Variants in TGFBI observed in about 807,000 individuals in gnomAD.
TGFBI encodes the protein transforming growth factor-beta-induced protein ig-h3.
A neutral mutation model predicts 73.7 loss-of-function variants in TGFBI; 50 were observed. The ratio of observed to expected loss-of-function variants is 0.68; its 90% CI spans 0.54 to 0.86. The LOEUF (loss-of-function observed/expected upper bound fraction) is 0.86, where lower values mean the gene tolerates loss of function less well. TGFBI is among the 40% of genes least tolerant of loss of function. The pLI is 0.00. For synonymous variants in TGFBI, 362 were observed against 360.5 expected, an observed-to-expected ratio of 1.00 and a Z score of -0.05; for missense variants, 839 against 877.0, an observed-to-expected ratio of 0.96 and a Z score of 0.55.
Position 136,060,885 on chromosome 5 carries a change from A to G in TGFBI, c.1855A>G (p.Met619Val), listed in dbSNP as rs2126917684. Residue 619 changes from methionine to valine, a missense_variant, in exon 14 of 17, where the codon ATG (methionine) becomes GTG (valine). By Grantham distance (21) the Met-to-Val change is conservative (BLOSUM62 1). Transcript: ENST00000442011. ...GGAGCCTGTTGCCGAGCCTGACATC[A>G]TGGCCACAAATGGCGTGGTCCATGT... ...NKEPVAEPDI[M>V]ATNGVVHVIT... 1 of 1,601,344 alleles carries G rather than the reference A, an allele frequency of 6.2e-7. No homozygotes were observed. The highest frequency in any genetic ancestry group is 1.1e-5 in the South Asian group (1 of 89,460).
rs562148760 is a variant in TGFBI, at chr5:136,040,608, G to T, written c.234-3450G>T. Among the ~76,000 whole-genome samples the T allele has an allele frequency of 7.9e-5, 12 of 152,348 alleles. No individual in the cohort carries two copies. The South Asian group carries it at 1.0e-3, about 13-fold the overall frequency. On this transcript the variant is annotated intron_variant, in intron 2 of 16. Transcript: ENST00000442011. Reference sequence around the variant, plus strand: ...GAAACTGATCCCTGGTGCCAAAAAGGTTGGGGACCGCTGTCCTAAGGGATC... The same window carrying T: ...GAAACTGATCCCTGGTGCCAAAAAGTTTGGGGACCGCTGTCCTAAGGGATC...
Position 136,046,922 on chromosome 5 carries a change from C to T in TGFBI, c.531C>T (p.Gly177=). 6.2e-7 allele frequency: 1 copy of T among 1,613,768 alleles called. No homozygotes were observed. The highest frequency in any genetic ancestry group is 1.6e-4 in the Middle Eastern group (1 of 6,062). The change falls in exon 5 of 17, where the codon GGC becomes GGT. Residue 177 remains glycine (G), a synonymous_variant. Transcript: ENST00000442011. ...LLNALRYHMV[G]RRVLTDELKH... ...ATGCCCTCCGCTACCATATGGTGGG[C>T]AGGCGAGTCCTGACTGATGAGCTGA...
At chr5:136,060,793 T>C (rs1195992786) in intron 13 of TGFBI, 41 bp from the exon 14 acceptor site, 1 of 1,407,722 alleles carries the variant, frequency 7.1e-7, no homozygotes, top group Non-Finnish European at 9.8e-7. Context: ...AATGTATAAA[T>C]AAATGCTCTA....
intron 13 of TGFBI, among the ~76,000 whole-genome samples, chr5:136,060,490 C>A (rs971958394): frequency 6.6e-6 from 1 of 152,170 alleles, no homozygotes; most frequent in African/African-American, 2.4e-5. Context: ...GTGGGCGGAT[C>A]ATCTGAGGTC....
chr5:136,050,802 T>A (rs1336727330), intron 7 of TGFBI, among the ~76,000 whole-genome samples: 1 of 152,236 alleles, frequency 6.6e-6, no homozygotes, highest in African/African-American at 2.4e-5. Context: ...AAAGGGCATA[T>A]TTCTGAAAGC....
At chr5:136,042,831 C>T (rs914933844) in intron 2 of TGFBI, among the ~76,000 whole-genome samples, 1 of 152,140 alleles carries the variant, frequency 6.6e-6, no homozygotes, top group African/African-American at 2.4e-5. Context: ...GCTTCATCTT[C>T]GCTTAACTAA....
intron 8 of TGFBI, 139 bp downstream of exon 8, chr5:136,053,258 C>A: frequency 1.3e-6 from 1 of 767,326 alleles, no homozygotes; most frequent in Non-Finnish European, 2.1e-6. Context: ...TCGGCCACTG[C>A]AAATGTGTGG....
intron 11 of TGFBI, among the ~76,000 whole-genome samples, chr5:136,056,151 G>C (rs771075251): frequency 1.3e-5 from 2 of 152,210 alleles, no homozygotes; most frequent in African/African-American, 2.4e-5. Context: ...TACAGTGCAC[G>C]ATGAGCCTCT....
chr5:136,061,639 A>G (rs761140347), intron 15 of TGFBI, 60 bp downstream of exon 15: 1 of 1,426,958 alleles, frequency 7.0e-7, no homozygotes, highest in Admixed American at 1.7e-5. Context: ...TGTTTGGGCC[A>G]TAGAGGAGCC....
At chr5:136,029,432 C>A (rs969857965) in intron 1 of TGFBI, among the ~76,000 whole-genome samples, 2 of 152,138 alleles carry the variant, frequency 1.3e-5, no homozygotes, top group African/African-American at 4.8e-5. Context: ...GGGAAGTGGA[C>A]CAGAGACTTT....
intron 4 of TGFBI, 41 bp from the exon 5 acceptor site, chr5:136,046,808 CAG>C: frequency 1.3e-6 from 2 of 1,588,960 alleles, no homozygotes; most frequent in South Asian, 1.2e-5. Flanking sequence ...CTCTTAAACA[CAG>C]AGTCTGCAGC....
chr5:136,051,052 C>T (rs775010262), intron 7 of TGFBI, among the ~76,000 whole-genome samples: 3 of 152,190 alleles, frequency 2.0e-5, no homozygotes, highest in Non-Finnish European at 4.4e-5. Flanking sequence ...TTGGGACACA[C>T]ATAGCCTTAA....
rs1326242869 is a variant in TGFBI, at chr5:136,029,036, G to A, written c.-20G>A. On this transcript the variant is annotated 5_prime_UTR_variant, in exon 1 of 17. Transcript: ENST00000442011. ...TTGCCCGTCGGTCGCTAGCTCGCTC[G>A]GTGCGCGTCGTCCCGCTCCATGGCG... 6.6e-7 allele frequency: 1 copy of A among 1,517,800 alleles called. No homozygotes were observed. The highest frequency in any genetic ancestry group is 2.6e-5 in the East Asian group (1 of 38,488). The allele number at this position is 1,517,800 out of a possible 1,614,324, so 94.0% of individuals were successfully genotyped here.
intron 15 of TGFBI, 32 bp from the exon 16 acceptor site, chr5:136,062,631 T>A: frequency 6.4e-7 from 1 of 1,555,734 alleles, no homozygotes; most frequent in Non-Finnish European, 8.7e-7. Context: ...TAACTTTCAC[T>A]AGAAAACCTG....
Position 136,063,565 on chromosome 5 carries a change from A to C in TGFBI, c.*339A>C, listed in dbSNP as rs568122995. On this transcript the variant is annotated 3_prime_UTR_variant, in exon 17 of 17. Transcript: ENST00000442011. ...GAGCTTCAGTATTGTGGGGCTCATA[A>C]AACATGAATCAAGCAATCCAGCCTC... The C allele has an allele frequency of 6.1e-5, 17 of 276,606 alleles. No individual in the cohort carries two copies. The highest frequency in any genetic ancestry group is 3.7e-4 in the African/African-American group (17 of 46,020). 17.1% of individuals were successfully genotyped at this position (276,606 alleles called of 1,614,324 possible). A position where few individuals can be genotyped will look rare whatever the true frequency, so the allele number is the denominator to read the frequency against.
chr5:136,048,794 GA>G, intron 6 of TGFBI: 1 of 153,072 alleles, frequency 6.5e-6, no homozygotes, highest in Non-Finnish European at 1.5e-5. Context: ...GGTCACATGT[GA>G]AGGGCATACA....
At chr5:136,061,383 A>G (rs1376587025) in intron 14 of TGFBI, 117 bp from the exon 15 acceptor site, 6 of 762,236 alleles carry the variant, frequency 7.9e-6, no homozygotes, top group Non-Finnish European at 1.4e-5. Flanking sequence ...TTATGGAGAA[A>G]ACATGTCTTT....
intron 1 of TGFBI, 30 bp downstream of exon 1, chr5:136,029,219 G>T (rs1489959733): frequency 2.8e-6 from 4 of 1,449,440 alleles, no homozygotes; most frequent in Non-Finnish European, 3.6e-6. Context: ...CAGGGGCTGC[G>T]GAAGGTCAGG....
At chr5:136,038,871 C>T (rs1021338263) in intron 2 of TGFBI, among the ~76,000 whole-genome samples, 11 of 152,180 alleles carry the variant, frequency 7.2e-5, no homozygotes, top group Admixed American at 5.9e-4. Flanking sequence ...TTCCCTACAG[C>T]CTCTGTGAGG....
Sources: gnomAD v4.1 joint callset for allele counts (sites outside exome capture counted in the v4.1 genomes callset) on GRCh38, gnomAD v4.1.1 for gene constraint, MANE v1.5 for transcripts, NCBI Gene and HGNC (gene_info 2026-07-23, HGNC 2026-07-21) for gene names.